Variants in ESRRG observed in about 807,000 individuals in gnomAD.
The protein encoded by ESRRG is estrogen related receptor gamma.
Under a neutral mutation model 44.0 loss-of-function variants are expected in ESRRG, and 13 were observed. The ratio of observed to expected loss-of-function variants is 0.30; its 90% confidence interval spans 0.19 to 0.47. The LOEUF (loss-of-function observed/expected upper bound fraction) is 0.47, where lower values mean the gene tolerates loss of function less well. Ranked by LOEUF, ESRRG falls within the 20% of genes least tolerant of loss-of-function variation. The pLI, the probability that ESRRG is intolerant of heterozygous loss-of-function variation, is 1.00. For synonymous variants in ESRRG, 215 were observed against 214.6 expected (o/e 1.00, Z -0.02); for missense variants, 395 against 580.6 (o/e 0.68, Z 3.29).
chr1:216,745,051 T>C (rs1333438854), intron 2 of ESRRG, among the ~76,000 whole-genome samples: 3 of 152,206 alleles, frequency 2.0e-5, no homozygotes, highest in African/African-American at 7.2e-5. Flanking sequence ...ATTTTTCTTT[T>C]ATAATGGGAT....
chr1:216,801,867 G>A (rs1171701641), intron 2 of ESRRG, among the ~76,000 whole-genome samples: 1 of 152,102 alleles, frequency 6.6e-6, no homozygotes, highest in East Asian at 1.9e-4. Flanking sequence ...AGGAAATCCT[G>A]CTTATCTGTT....
chr1:216,919,364 A>T (rs1226987707), intron 2 of ESRRG, among the ~76,000 whole-genome samples: 1 of 152,152 alleles, frequency 6.6e-6, no homozygotes, highest in East Asian at 1.9e-4. Flanking sequence ...AATGTTAATC[A>T]TTTTAGGAAC....
chr1:216,541,764 C>T (rs2052861061), intron 5 of ESRRG, among the ~76,000 whole-genome samples: 1 of 151,872 alleles, frequency 6.6e-6, no homozygotes, highest in Non-Finnish European at 1.5e-5. Context: ...CGTCTGTAAT[C>T]ATTTTTAGAC....
intron 1 of ESRRG, among the ~76,000 whole-genome samples, chr1:216,952,337 A>G (rs562724419): frequency 2.6e-5 from 4 of 152,236 alleles, no homozygotes; most frequent in African/African-American, 9.6e-5. Context: ...CTCATAGCTA[A>G]TTGCCCATAT....
intron 2 of ESRRG, among the ~76,000 whole-genome samples, chr1:216,823,476 G>T (rs972529834): frequency 2.0e-5 from 3 of 152,180 alleles, no homozygotes; most frequent in African/African-American, 7.2e-5. Context: ...GTGTGGAGAT[G>T]CTGGGTTTCA....
intron 3 of ESRRG, among the ~76,000 whole-genome samples, chr1:216,590,959 AAAC>A (rs1387840260): frequency 6.6e-6 from 1 of 152,200 alleles, no homozygotes; most frequent in African/African-American, 2.4e-5. Flanking sequence ...TTATACAAAC[AAAC>A]AACAACTGTG....
chr1:216,544,849 A>G (rs1255067794), intron 5 of ESRRG, among the ~76,000 whole-genome samples: 1 of 152,002 alleles, frequency 6.6e-6, no homozygotes, highest in Non-Finnish European at 1.5e-5. Flanking sequence ...AAAGACAGTG[A>G]CATGAAACTG....
In ESRRG at chr1:216,759,419, T is replaced by C. The variant is rs1430577688; in HGVS notation, c.-13-81928A>G. 2.6e-5 allele frequency among the ~76,000 whole-genome samples: 4 copies of C among 152,080 alleles called. No individual in the cohort carries two copies. In the East Asian group the frequency reaches 7.7e-4, roughly 29 times the overall value. Reference sequence around the variant, plus strand: ...GCCCTGTGTACCCCAGCAAACCTCCTAAGGGTCTCCTCCACCCACCACATG... The same window carrying C: ...GCCCTGTGTACCCCAGCAAACCTCCCAAGGGTCTCCTCCACCCACCACATG... On this transcript the variant is annotated intron_variant, in intron 2 of 7. Transcript: ENST00000359162.
chr1:216,647,499 T>G (rs373059712), intron 3 of ESRRG, among the ~76,000 whole-genome samples: 2 of 148,702 alleles, frequency 1.3e-5, no homozygotes, highest in African/African-American at 2.5e-5. Flanking sequence ...AATTTTTTTT[T>G]GAAAAATTCT....
Position 216,517,663 on chromosome 1 carries a change from G to A in ESRRG, c.1132+1489C>T, listed in dbSNP as rs147915113. 6.8e-3 allele frequency among the ~76,000 whole-genome samples: 1,031 copies of A among 152,260 alleles called. 20 individuals carry two copies. Among genetic ancestry groups the A allele is most frequent in the African/African-American group, 0.023 (945 of 41,574 alleles). On this transcript the variant is annotated intron_variant, in intron 6 of 6. Transcript: ENST00000408911. Reference sequence around the variant, plus strand: ...TAAAATATTTCATCTCATTATGAGAGATGGTATAATGTGAAGTCCATACAA... The same window carrying A: ...TAAAATATTTCATCTCATTATGAGAAATGGTATAATGTGAAGTCCATACAA...
intron 1 of ESRRG, among the ~76,000 whole-genome samples, chr1:216,998,688 A>G (rs1201350676): frequency 6.6e-6 from 1 of 152,266 alleles, no homozygotes; most frequent in Admixed American, 6.5e-5. Flanking sequence ...ATTGCTATTT[A>G]TAAGAGATAA....
intron 2 of ESRRG, among the ~76,000 whole-genome samples, chr1:216,916,312 T>G (rs1295490147): frequency 6.6e-6 from 1 of 152,220 alleles, no homozygotes; most frequent in Non-Finnish European, 1.5e-5. Context: ...TGATCACCAT[T>G]TGTTTCATGT....
At chr1:216,894,320 C>A in intron 2 of ESRRG, among the ~76,000 whole-genome samples, 1 of 152,260 alleles carries the variant, frequency 6.6e-6, no homozygotes, top group East Asian at 1.9e-4. Flanking sequence ...TGCTCAATTT[C>A]TCTTTTAAAG....
At chr1:216,817,017 C>T (rs1056554543) in intron 2 of ESRRG, among the ~76,000 whole-genome samples, 4 of 150,600 alleles carry the variant, frequency 2.7e-5, no homozygotes, top group Non-Finnish European at 5.9e-5. Context: ...TGTAGGAAAG[C>T]ATCAAAGAGT....
intron 1 of ESRRG, among the ~76,000 whole-genome samples, chr1:217,135,574 T>TGCACCTCCTCCCAGCCTTTTCGCCC (rs2093038342): frequency 1.3e-5 from 2 of 151,426 alleles, no homozygotes; most frequent in African/African-American, 2.4e-5. Context: ...GCAGGGCGGC[T>TGCACCTCCTCCCAGCCTTTTCGCCC]GCACCTCCTC....
chr1:216,529,608 T>A (rs1338391082), intron 5 of ESRRG, among the ~76,000 whole-genome samples: 1 of 151,158 alleles, frequency 6.6e-6, no homozygotes, highest in East Asian at 1.9e-4. Flanking sequence ...TTAACTTTTT[T>A]CAAACAACAA....
intron 2 of ESRRG, among the ~76,000 whole-genome samples, chr1:216,784,768 G>A (rs1056756087): frequency 6.6e-6 from 1 of 151,844 alleles, no homozygotes; most frequent in South Asian, 2.1e-4. Flanking sequence ...CTTACCAGTT[G>A]GTTAGTCTCT....
intron 2 of ESRRG, among the ~76,000 whole-genome samples, chr1:216,886,127 C>T (rs894950315): frequency 1.1e-4 from 17 of 152,072 alleles, no homozygotes; most frequent in African/African-American, 4.1e-4. Context: ...AGACGTGTCC[C>T]TTAGGTAGGA....
chr1:217,062,059 C>A (rs1402669627), intron 1 of ESRRG, among the ~76,000 whole-genome samples: 3 of 152,118 alleles, frequency 2.0e-5, no homozygotes, highest in African/African-American at 7.2e-5. Context: ...TTGAGGGCAG[C>A]CCAGCACTGC....
Sources: allele counts gnomAD v4.1 joint callset (sites outside exome capture counted in the v4.1 genomes callset), GRCh38; gene constraint gnomAD v4.1.1; transcripts MANE v1.5; gene names NCBI Gene and HGNC (gene_info 2026-07-23, HGNC 2026-07-21).